Variants in DOCK2 observed in about 807,000 individuals in gnomAD.
DOCK2 encodes the protein dedicator of cytokinesis protein 2.
Under a neutral mutation model 248.9 loss-of-function variants are expected in DOCK2, and 87 were observed. That is an observed-to-expected ratio of 0.35 (90% confidence interval 0.29 to 0.42). The LOEUF (loss-of-function observed/expected upper bound fraction) is 0.42, where lower values mean the gene tolerates loss of function less well. Among genes scored for constraint, DOCK2 ranks in the 10% least tolerant of loss-of-function variants. The pLI is 1.00. For missense variants in DOCK2, 1,747 were observed against 2,300.2 expected (o/e 0.76, Z 4.92); for synonymous variants, 805 against 821.6 (o/e 0.98, Z 0.35).
chr5:169,637,958 G>A (rs940248945), intron 1 of DOCK2, among the ~76,000 whole-genome samples: 1 of 152,094 alleles, frequency 6.6e-6, no homozygotes, highest in Non-Finnish European at 1.5e-5. Context: ...GGTGGTCTTA[G>A]GGTAACCAAG....
chr5:170,040,214 T>C (rs1188833932), intron 36 of DOCK2, among the ~76,000 whole-genome samples: 5 of 152,238 alleles, frequency 3.3e-5, no homozygotes, highest in Admixed American at 3.3e-4. Context: ...ATTTTACAGA[T>C]GAGCAAACTA....
intron 22 of DOCK2, among the ~76,000 whole-genome samples, chr5:169,742,889 C>T (rs1184219708): frequency 6.6e-6 from 1 of 152,204 alleles, no homozygotes; most frequent in African/African-American, 2.4e-5. Context: ...GACTTGCATG[C>T]CCCAGAACAG....
At chr5:169,903,684 C>T (rs1488297783) in intron 27 of DOCK2, among the ~76,000 whole-genome samples, 2 of 151,842 alleles carry the variant, frequency 1.3e-5, no homozygotes, top group African/African-American at 4.8e-5. Flanking sequence ...CCTAGAGGGT[C>T]GAACTTACTC....
chr5:169,893,478 C>CT (rs1299036311), intron 27 of DOCK2, among the ~76,000 whole-genome samples: 1 of 86,612 alleles, frequency 1.2e-5, no homozygotes, highest in African/African-American at 5.8e-5. Flanking sequence ...ATTTTCTTAC[C>CT]CTTTTTTTTT....
chr5:169,807,403 C>A (rs1308856786), intron 26 of DOCK2, among the ~76,000 whole-genome samples: 5 of 152,150 alleles, frequency 3.3e-5, no homozygotes, highest in Admixed American at 2.0e-4. Flanking sequence ...ATGTAGAGGC[C>A]ATGCTCAGAA....
intron 27 of DOCK2, among the ~76,000 whole-genome samples, chr5:169,961,303 A>T (rs1236027097): frequency 6.6e-6 from 1 of 152,254 alleles, no homozygotes; most frequent in Non-Finnish European, 1.5e-5. Context: ...AATTAAATTA[A>T]GATGAATGGA....
chr5:169,711,938 G>A lies in DOCK2; in HGVS notation c.1486G>A (p.Ala496Thr), dbSNP rs371391395. 3.2e-5 allele frequency: 52 copies of A among 1,613,926 alleles called. No homozygotes were observed. In the African/African-American group the frequency reaches 4.5e-4, roughly 14 times the overall value. The change falls in exon 16 of 52, where the codon GCT becomes ACT. Residue 496 changes from alanine to threonine, a missense_variant. Ala to Thr is a moderately conservative substitution (Grantham distance 58, BLOSUM62 0). Around this residue, in one of 4 missense-constraint regions of DOCK2, gnomAD observed 858 missense variants for 1,183.5 expected, o/e 0.72. Transcript: ENST00000520908. Reference protein sequence around the residue: ...QPRWMETVKVAVPIEDMQRIH... With the variant: ...QPRWMETVKVTVPIEDMQRIH... ...AGCTCTGTTTCTGTCTGCTGAGGTGGCTGTCCCTATTGAAGACATGCAGAG... is the reference window on the plus strand; with the variant it reads ...AGCTCTGTTTCTGTCTGCTGAGGTGACTGTCCCTATTGAAGACATGCAGAG...
chr5:169,766,168 C>T (rs907383748), intron 25 of DOCK2, among the ~76,000 whole-genome samples: 1 of 152,072 alleles, frequency 6.6e-6, no homozygotes, highest in South Asian at 2.1e-4. Flanking sequence ...AATTTTGTCA[C>T]CCAGGTAATA....
intron 27 of DOCK2, among the ~76,000 whole-genome samples, chr5:169,915,594 A>G (rs1445155902): frequency 6.6e-6 from 1 of 151,510 alleles, no homozygotes; most frequent in East Asian, 1.9e-4. Context: ...ACACACACAC[A>G]CACACACAGA....
chr5:170,035,550 A>C (rs1756295948), intron 35 of DOCK2, among the ~76,000 whole-genome samples: 1 of 152,216 alleles, frequency 6.6e-6, no homozygotes, highest in African/African-American at 2.4e-5. Flanking sequence ...CCACGAGCTG[A>C]GCAGCTTCTC....
At chr5:170,079,369 A>G in intron 49 of DOCK2, 1 of 531,186 alleles carries the variant, frequency 1.9e-6, no homozygotes, top group Non-Finnish European at 3.3e-6. Context: ...TTGAGCCCTG[A>G]CCTTTGCACT....
chr5:169,674,903 G>A (rs746000369), intron 6 of DOCK2, among the ~76,000 whole-genome samples: 14 of 152,174 alleles, frequency 9.2e-5, no homozygotes, highest in Non-Finnish European at 2.1e-4. Context: ...GGGAAGAGAA[G>A]TAAAAATTGG....
chr5:169,981,551 G>A (rs1777937537), intron 27 of DOCK2, among the ~76,000 whole-genome samples: 2 of 151,922 alleles, frequency 1.3e-5, no homozygotes, highest in South Asian at 2.1e-4. Flanking sequence ...ATCTGTGATC[G>A]GTGACCTTTG....
At position 169,673,170 on chromosome 5, in the gene DOCK2, C is replaced by T. The variant is rs142287916; in HGVS notation, c.322-1127C>T. On this transcript the variant is annotated intron_variant, in intron 5 of 51. Coordinates refer to ENST00000520908, the MANE Select transcript of DOCK2 (RefSeq NM_004946.3). ...TGGGGCTAAGTTCCAACCCTCTAAT[C>T]ATGTGATTGGGGGTTTGGTTCCTAG... Among the ~76,000 whole-genome samples, 1,042 of 152,036 alleles carry T rather than the reference C, an allele frequency of 6.9e-3. 10 individuals carry two copies. Among genetic ancestry groups the T allele is most frequent in the African/African-American group, 0.024 (1,002 of 41,486 alleles).
chr5:169,718,956 C>T (rs1182522942), intron 22 of DOCK2, among the ~76,000 whole-genome samples, 165 bp downstream of exon 22: 2 of 152,140 alleles, frequency 1.3e-5, no homozygotes, highest in East Asian at 3.9e-4. Context: ...AATAATTGTA[C>T]CCTCTAAGTT....
intron 3 of DOCK2, 101 bp from the exon 4 acceptor site, chr5:169,670,441 A>G (rs1758983766): frequency 1.5e-6 from 2 of 1,353,266 alleles, no homozygotes; most frequent in Middle Eastern, 2.5e-4. Context: ...TTTATAAGCC[A>G]GTAGCTTTTG....
At position 169,803,145 on chromosome 5, in the gene DOCK2, AG is replaced by A; in HGVS notation, c.2643del (p.Arg882GlyfsTer38). On this transcript the variant is annotated frameshift_variant, in exon 26 of 52. Transcript: ENST00000520908. LOFTEE classifies it high-confidence loss of function. Reference protein sequence around the residue: ...QKDDMQHQVLERKYCVELLNS... With the variant: ...QKDDMQHQVLXRKYCVELLNS... ...GATGACATGCAACACCAGGTCCTGG[AG>A]AGGAAGTACTGCGTTGAATTGCTCA... The A allele has an allele frequency of 6.2e-7, 1 of 1,614,204 alleles. No individual in the cohort carries two copies. Among genetic ancestry groups the A allele is most frequent in the Non-Finnish European group, 8.5e-7 (1 of 1,180,024 alleles).
chr5:169,933,676 C>A (rs777048303), intron 27 of DOCK2, among the ~76,000 whole-genome samples: 1 of 152,130 alleles, frequency 6.6e-6, no homozygotes, highest in East Asian at 1.9e-4. Context: ...CCTTACTGGC[C>A]GCACTAAGAG....
At chr5:169,942,953 CTA>C (rs1776299339) in intron 27 of DOCK2, among the ~76,000 whole-genome samples, 1 of 152,134 alleles carries the variant, frequency 6.6e-6, no homozygotes, top group Admixed American at 6.5e-5. Context: ...ATGAGAGACT[CTA>C]TGTAAAACAC....
Sources: allele counts gnomAD v4.1 joint callset (sites outside exome capture counted in the v4.1 genomes callset), GRCh38; gene constraint gnomAD v4.1.1; regional missense constraint gnomAD v4.1.1; transcripts MANE v1.5; gene names NCBI Gene and HGNC (gene_info 2026-07-23, HGNC 2026-07-21).